ADD3: variants seen among roughly 807,000 people sequenced by gnomAD.
The protein encoded by ADD3 is gamma-adducin.
A neutral mutation model predicts 80.2 loss-of-function variants in ADD3; 25 were observed. The observed-to-expected ratio is 0.31, with a 90% CI of 0.23 to 0.44. ADD3 has a LOEUF of 0.44. ADD3 is among the 20% of genes least tolerant of loss of function. The pLI is 1.00. For synonymous variants in ADD3, 284 were observed against 289.6 expected, an observed-to-expected ratio of 0.98 and a Z score of 0.20; for missense variants, 829 against 847.5, an observed-to-expected ratio of 0.98 and a Z score of 0.27.
At chr10:110,133,179 T>A (rs1853273305) in intron 14 of ADD3, 147 bp from the exon 15 acceptor site, 1 of 767,474 alleles carries the variant, frequency 1.3e-6, no homozygotes, top group African/African-American at 1.8e-5. Context: ...TTCTTGCTAA[T>A]AGATCACAGT....
chr10:110,123,886 G>T, intron 9 of ADD3, 131 bp from the exon 10 acceptor site: 1 of 907,884 alleles, frequency 1.1e-6, no homozygotes. Flanking sequence ...TGTGGTGTTT[G>T]GAAGGATGCC....
intron 1 of ADD3, among the ~76,000 whole-genome samples, chr10:110,030,045 T>C (rs968123163): frequency 6.6e-6 from 1 of 151,964 alleles, no homozygotes; most frequent in South Asian, 2.1e-4. Flanking sequence ...TGATGATGGC[T>C]GGGCACGGTG....
At chr10:110,037,149 G>A (rs1292824696) in intron 1 of ADD3, among the ~76,000 whole-genome samples, 1 of 152,142 alleles carries the variant, frequency 6.6e-6, no homozygotes, top group Non-Finnish European at 1.5e-5. Context: ...TTATATGATA[G>A]GAAATGGAAC....
chr10:110,048,470 A>G (rs137875669), intron 1 of ADD3, among the ~76,000 whole-genome samples: 1 of 152,292 alleles, frequency 6.6e-6, no homozygotes, highest in Non-Finnish European at 1.5e-5. Context: ...AAAGTTTGGA[A>G]CTTCCTAGAG....
intron 9 of ADD3, chr10:110,123,724 T>C (rs1005861394): frequency 3.8e-5 from 11 of 291,622 alleles, no homozygotes; most frequent in Admixed American, 9.0e-5. Flanking sequence ...CAGAACAGTT[T>C]TATAGATAGA....
intron 1 of ADD3, among the ~76,000 whole-genome samples, chr10:110,018,542 AAAAAAAAAAG>A (rs1367603402): frequency 6.6e-6 from 1 of 150,966 alleles, no homozygotes; most frequent in African/African-American, 2.4e-5. Flanking sequence ...AAAAAAAAAA[AAAAAAAAAAG>A]AGTTGGAGTG....
At chr10:110,051,198 ACT>A (rs1322785577) in intron 1 of ADD3, among the ~76,000 whole-genome samples, 1 of 152,158 alleles carries the variant, frequency 6.6e-6, no homozygotes, top group African/African-American at 2.4e-5. Flanking sequence ...AAACCATAAG[ACT>A]CTTAGAAGAA....
chr10:110,099,240 T>A (rs1425668537), intron 1 of ADD3, among the ~76,000 whole-genome samples: 17 of 144,020 alleles, frequency 1.2e-4, no homozygotes, highest in African/African-American at 3.6e-4. Context: ...AAACTCTATT[T>A]AAAAAAAAAA....
At chr10:110,041,019 ACTCATGCTGTATCTCTTG>A (rs1467127107) in intron 1 of ADD3, among the ~76,000 whole-genome samples, 3 of 148,200 alleles carry the variant, frequency 2.0e-5, no homozygotes, top group Non-Finnish European at 4.5e-5. Context: ...TCTCTGTCTC[ACTCATGCTGTATCTCTTG>A]CTCATGCTGT....
At chr10:110,063,780 T>TATAAATAA (rs1158539551) in intron 1 of ADD3, among the ~76,000 whole-genome samples, 34 of 112,560 alleles carry the variant, frequency 3.0e-4, no homozygotes, top group African/African-American at 1.0e-3. Context: ...TATATATATA[T>TATAAATAA]ATAAAGTGAA....
chr10:110,008,661 A>AC (rs1458274128), intron 1 of ADD3, among the ~76,000 whole-genome samples: 2 of 151,936 alleles, frequency 1.3e-5, no homozygotes, highest in African/African-American at 4.8e-5. Flanking sequence ...AGCTTAGGTG[A>AC]CCCCGGGGAC....
chr10:110,108,646 G>A (rs985313727), intron 2 of ADD3, among the ~76,000 whole-genome samples: 8 of 151,990 alleles, frequency 5.3e-5, no homozygotes, highest in Non-Finnish European at 5.9e-5. Flanking sequence ...GCTGAAATTA[G>A]TAATTAGTAA....
intron 1 of ADD3, among the ~76,000 whole-genome samples, chr10:110,086,662 C>T (rs905806332): frequency 3.3e-5 from 5 of 152,200 alleles, no homozygotes; most frequent in African/African-American, 1.2e-4. Context: ...TGCCACCATG[C>T]AAAGATGTGC....
At chr10:110,036,583 A>G (rs952556088) in intron 1 of ADD3, among the ~76,000 whole-genome samples, 3 of 151,730 alleles carry the variant, frequency 2.0e-5, no homozygotes, top group African/African-American at 7.2e-5. Flanking sequence ...TTTCACCGTA[A>G]GGATGGTCTC....
intron 1 of ADD3, among the ~76,000 whole-genome samples, chr10:110,027,933 A>T (rs1378592545): frequency 1.3e-5 from 2 of 152,180 alleles, no homozygotes; most frequent in Non-Finnish European, 2.9e-5. Flanking sequence ...CTTAAGTGAG[A>T]GGAGAGCTTG....
At chr10:110,082,924 G>A (rs562587028) in intron 1 of ADD3, among the ~76,000 whole-genome samples, 1 of 152,106 alleles carries the variant, frequency 6.6e-6, no homozygotes, top group East Asian at 1.9e-4. Context: ...ATCAAACCAC[G>A]AATAGCCCAG....
chr10:110,048,454 T>C (rs1300133363), intron 1 of ADD3, among the ~76,000 whole-genome samples: 1 of 152,092 alleles, frequency 6.6e-6, no homozygotes, highest in Admixed American at 6.5e-5. Context: ...GACAGGAAAA[T>C]ATAGGAAAGT....
In ADD3 at chr10:110,133,778, G is replaced by A; in HGVS notation, c.*160G>A. 1.8e-6 allele frequency: 1 copy of A among 542,068 alleles called. No individual in the cohort carries two copies. The highest frequency in any genetic ancestry group is 3.0e-6 in the Non-Finnish European group (1 of 331,800). The allele number at this position is 542,068 out of a possible 1,614,324, so 33.6% of individuals were successfully genotyped here. ...AGGTTTTACAAAAGAAAAACTTTCA[G>A]ATTCATCTCTCATTTTATATGTCCA... is the stretch of plus-strand genomic sequence containing the variant. On this transcript the variant is annotated 3_prime_UTR_variant, in exon 15 of 15. Coordinates refer to ENST00000356080, the MANE Select transcript of ADD3 (RefSeq NM_016824.5).
At chr10:110,061,654 C>T (rs1858904058) in intron 1 of ADD3, among the ~76,000 whole-genome samples, 1 of 152,146 alleles carries the variant, frequency 6.6e-6, no homozygotes, top group South Asian at 2.1e-4. Context: ...TAACTATTTG[C>T]TTTTCTTTTG....
Sources: allele counts gnomAD v4.1 joint callset (sites outside exome capture counted in the v4.1 genomes callset), GRCh38; gene constraint gnomAD v4.1.1; transcripts MANE v1.5; gene names NCBI Gene and HGNC (gene_info 2026-07-23, HGNC 2026-07-21).